The following CD96 variants were observed in gnomAD, a reference collection of about 807,000 sequenced individuals.
CD96 encodes CD96 molecule.
Under a neutral mutation model 71.3 loss-of-function variants are expected in CD96, and 70 were observed. The observed-to-expected ratio is 0.98, with a 90% CI of 0.81 to 1.20. CD96 has a LOEUF of 1.20. Ranked by LOEUF, CD96 falls within the 50% of genes most tolerant of loss-of-function variation. CD96 has a pLI of 0.00. For missense variants in CD96, 742 were observed against 677.5 expected (o/e 1.10, Z -1.06); for synonymous variants, 248 against 233.0 (o/e 1.06, Z -0.59).
At chr3:111,624,070 A>T (rs1371929198) in intron 9 of CD96, among the ~76,000 whole-genome samples, 3 of 152,232 alleles carry the variant, frequency 2.0e-5, no homozygotes, top group Non-Finnish European at 4.4e-5. Context: ...TTAAGGTAAT[A>T]TTAAAGTAGT....
In CD96 at chr3:111,637,230, A is replaced by G; in HGVS notation, c.1356A>G (p.Ser452=). 6.3e-7 allele frequency: 1 copy of G among 1,593,734 alleles called. No individual in the cohort carries two copies. Among genetic ancestry groups the G allele is most frequent in the Non-Finnish European group, 8.6e-7 (1 of 1,161,386 alleles). The stretch of plus-strand genomic sequence containing the variant: ...GGATACCTAGTGAAACATACAGTTC[A>G]TCCCCGTCAGGTGCAGGCTCAACAC... ...VSRIPSETYS[S]SPSGAGSTLH... Residue 452 remains serine (S), a synonymous_variant, in exon 11 of 14, where the codon TCA becomes TCG. Coordinates refer to ENST00000352690, the MANE Select transcript of CD96 (RefSeq NM_005816.5).
chr3:111,568,930 A>G (rs1297977860), intron 3 of CD96, among the ~76,000 whole-genome samples: 2 of 152,212 alleles, frequency 1.3e-5, no homozygotes, highest in East Asian at 3.8e-4. Flanking sequence ...AGAATCACAT[A>G]ATAGGGCATT....
chr3:111,618,498 A>G (rs1938356395), intron 8 of CD96, among the ~76,000 whole-genome samples: 1 of 152,206 alleles, frequency 6.6e-6, no homozygotes, highest in Non-Finnish European at 1.5e-5. Flanking sequence ...CTAGTAAGCA[A>G]AAACCATCTC....
intron 2 of CD96, among the ~76,000 whole-genome samples, chr3:111,565,688 A>T (rs1935673721): frequency 6.6e-6 from 1 of 151,974 alleles, no homozygotes; most frequent in Non-Finnish European, 1.5e-5. Flanking sequence ...TTTTCTCCTT[A>T]AGGGACAGGG....
intron 10 of CD96, among the ~76,000 whole-genome samples, chr3:111,633,212 G>A (rs893784944): frequency 2.0e-5 from 3 of 152,004 alleles, no homozygotes; most frequent in African/African-American, 7.2e-5. Flanking sequence ...GAGAGGAAGA[G>A]GGATGGGGGA....
chr3:111,641,969 C>T (rs2107769303), intron 12 of CD96, among the ~76,000 whole-genome samples: 1 of 152,230 alleles, frequency 6.6e-6, no homozygotes, highest in South Asian at 2.1e-4. Context: ...ATGACACAAC[C>T]TATCGAACCT....
At chr3:111,586,093 A>T (rs1356890352) in intron 5 of CD96, among the ~76,000 whole-genome samples, 1 of 152,218 alleles carries the variant, frequency 6.6e-6, no homozygotes, top group Non-Finnish European at 1.5e-5. Flanking sequence ...ATTAAATAAC[A>T]TATGAAAAAA....
At position 111,585,362 on chromosome 3, in the gene CD96, C is replaced by T. The variant is rs119477056; in HGVS notation, c.791C>T (p.Thr264Met). The T allele has an allele frequency of 2.6e-5, 42 of 1,607,772 alleles. No homozygotes were observed. The East Asian group carries it at 5.6e-4, about 21-fold the overall frequency. Residue 264 changes from threonine to methionine, a missense_variant, in exon 5 of 14, where the codon ACG (threonine) becomes ATG (methionine). Transcript: ENST00000352690. Reference sequence around the variant, plus strand: ...CCTGTGATTGTGGAAAATAACTCCACGGATGTCTTGGTAGAGGTGAGTCAC... The same window carrying T: ...CCTGTGATTGTGGAAAATAACTCCATGGATGTCTTGGTAGAGGTGAGTCAC... ...EIPVIVENNS[T>M]DVLVERRFTC... is the part of the protein sequence containing the mutation.
intron 14 of CD96, among the ~76,000 whole-genome samples, chr3:111,657,676 T>C (rs1467456062): frequency 1.3e-5 from 2 of 152,084 alleles, no homozygotes; most frequent in African/African-American, 4.8e-5. Flanking sequence ...AAAAGGAACA[T>C]ATAAATATGG....
intron 12 of CD96, among the ~76,000 whole-genome samples, chr3:111,640,995 G>A (rs1237936928): frequency 6.6e-6 from 1 of 152,120 alleles, no homozygotes; most frequent in Non-Finnish European, 1.5e-5. Context: ...TCTAAATCTT[G>A]AAACAAATCC....
intron 3 of CD96, chr3:111,570,665 G>T: frequency 6.2e-7 from 1 of 1,610,306 alleles, no homozygotes; most frequent in Non-Finnish European, 8.5e-7. Context: ...ACATGACAAA[G>T]CATTTGCCCT....
chr3:111,634,722 C>T (rs1348594534), intron 10 of CD96: 1 of 152,002 alleles, frequency 6.6e-6, no homozygotes, highest in Non-Finnish European at 1.5e-5. Context: ...AGTGGAGAAA[C>T]CCCGTCTCTA....
In CD96 at chr3:111,542,209, G is replaced by A. The variant is rs563438211; in HGVS notation, c.-40G>A. On this transcript the variant is annotated 5_prime_UTR_variant, in exon 1 of 14. Coordinates refer to ENST00000352690, the MANE Select transcript of CD96 (RefSeq NM_005816.5). ...GCTTGAAAACATCAATTGACTTTGT[G>A]ATCATTACAGAAATGCTGGTGTAAG... 6.3e-7 allele frequency: 1 copy of A among 1,588,154 alleles called. No homozygotes were observed. The highest frequency in any genetic ancestry group is 2.2e-5 in the East Asian group (1 of 44,764).
At chr3:111,657,859 A>T (rs1448192438) in intron 14 of CD96, among the ~76,000 whole-genome samples, 2 of 152,134 alleles carry the variant, frequency 1.3e-5, no homozygotes, top group African/African-American at 4.8e-5. Context: ...GAGACCCATG[A>T]TGTCCACCTG....
At chr3:111,632,358 C>G (rs1939109471) in intron 10 of CD96, among the ~76,000 whole-genome samples, 1 of 151,716 alleles carries the variant, frequency 6.6e-6, no homozygotes, top group South Asian at 2.1e-4. Flanking sequence ...TGGCCAGAAA[C>G]ATGAAAAAAA....
intron 14 of CD96, among the ~76,000 whole-genome samples, chr3:111,660,288 C>T (rs1298949020): frequency 6.6e-6 from 1 of 152,044 alleles, no homozygotes; most frequent in Non-Finnish European, 1.5e-5. Flanking sequence ...AAACAAAATA[C>T]CTAGGAATAC....
At chr3:111,637,309 T>C (rs751356442) in intron 11 of CD96, 48 bp downstream of exon 11, 1 of 994,152 alleles carries the variant, frequency 1.0e-6, no homozygotes, top group Admixed American at 1.7e-5. Context: ...GTGGTCAGCT[T>C]TATTTGGACA....
chr3:111,622,978 C>T (rs1938583538), intron 8 of CD96, among the ~76,000 whole-genome samples: 1 of 152,188 alleles, frequency 6.6e-6, no homozygotes, highest in African/African-American at 2.4e-5. Context: ...CAACAGGACT[C>T]AACATAATTT....
intron 6 of CD96, among the ~76,000 whole-genome samples, chr3:111,598,531 T>C (rs1333383104): frequency 6.6e-6 from 1 of 152,258 alleles, no homozygotes; most frequent in African/African-American, 2.4e-5. Flanking sequence ...TTAAAACTTT[T>C]TCTGCCTTTA....
Sources: allele counts gnomAD v4.1 joint callset (sites outside exome capture counted in the v4.1 genomes callset), GRCh38; gene constraint gnomAD v4.1.1; transcripts MANE v1.5; gene names NCBI Gene and HGNC (gene_info 2026-07-23, HGNC 2026-07-21).